Variants in MCM8 observed in about 807,000 individuals in gnomAD.
MCM8 encodes DNA helicase MCM8.
MCM8 carries 85 observed loss-of-function variants against 98.9 expected under a neutral mutation model. That is an observed-to-expected ratio of 0.86 (90% CI 0.72 to 1.03). MCM8 has a LOEUF of 1.03. Among genes scored for constraint, MCM8 ranks in the 50% least tolerant of loss-of-function variants. The probability of loss-of-function intolerance (pLI) is 0.00; values close to 1 mark genes in which losing one functional copy is unlikely to be tolerated. For synonymous variants in MCM8, 352 were observed against 338.6 expected, an observed-to-expected ratio of 1.04 and a Z score of -0.44; for missense variants, 951 against 997.8, an observed-to-expected ratio of 0.95 and a Z score of 0.63.
Position 5,967,929 on chromosome 20 carries a change from G to A in MCM8, c.1127G>A (p.Gly376Glu), listed in dbSNP as rs776387800. Residue 376 changes from glycine (G) to glutamate (E), a missense_variant, in exon 10 of 19, where the codon GGG becomes GAG. Coordinates refer to ENST00000610722, the MANE Select transcript of MCM8 (RefSeq NM_032485.6). The part of the protein sequence containing the change: ...KGQKTKSSED[G>E]CKHGMLMEFS... Reference sequence around the variant, plus strand: ...CAGAAAACAAAGAGTTCTGAGGATGGGTGTAAGCATGGAATGTTGATGGAG... The same window carrying A: ...CAGAAAACAAAGAGTTCTGAGGATGAGTGTAAGCATGGAATGTTGATGGAG... The A allele has an allele frequency of 1.2e-6, 2 of 1,613,926 alleles. No homozygotes were observed. Among genetic ancestry groups the A allele is most frequent in the African/African-American group, 1.3e-5 (1 of 74,926 alleles).
At chr20:5,962,224 G>A (rs2089161839) in intron 7 of MCM8, among the ~76,000 whole-genome samples, 1 of 152,192 alleles carries the variant, frequency 6.6e-6, no homozygotes, top group Non-Finnish European at 1.5e-5. Flanking sequence ...CAGTTGGTAG[G>A]CAGAAATGGC....
At chr20:5,954,282 T>A (rs942938045) in intron 3 of MCM8, among the ~76,000 whole-genome samples, 1 of 152,246 alleles carries the variant, frequency 6.6e-6, no homozygotes, top group African/African-American at 2.4e-5. Context: ...TGGCTTTGGC[T>A]TTATTATAAT....
intron 8 of MCM8, among the ~76,000 whole-genome samples, chr20:5,964,188 A>T (rs1412329438): frequency 6.9e-6 from 1 of 144,602 alleles, no homozygotes; most frequent in South Asian, 2.2e-4. Context: ...AATTGATTAC[A>T]TTTTTTCTAG....
At chr20:5,994,224 T>C in intron 18 of MCM8, 75 bp from the exon 19 acceptor site, 1 of 813,032 alleles carries the variant, frequency 1.2e-6, no homozygotes, top group Non-Finnish European at 1.9e-6. Context: ...CATATTATTA[T>C]TTGAGAGATT....
rs145668045 is a variant in MCM8, at chr20:5,996,005, G to T, written c.*1614G>T. The stretch of plus-strand genomic sequence containing the variant: ...AAAATCAGGAATCAAAAGGGGCCAG[G>T]TGCAGTGGCTCACATCTATAATCCC... On this transcript the variant is annotated 3_prime_UTR_variant, in exon 19 of 19. Transcript: ENST00000610722. 1 of 152,318 alleles carries T rather than the reference G, an allele frequency of 6.6e-6. No homozygotes were observed. The highest frequency in any genetic ancestry group is 2.4e-5 in the African/African-American group (1 of 41,468). 9.4% of individuals were successfully genotyped at this position (152,318 alleles called of 1,614,324 possible). A position where few individuals can be genotyped will look rare whatever the true frequency, so the allele number is the denominator to read the frequency against.
chr20:5,952,004 C>T lies in MCM8; in HGVS notation c.-5-7C>T, dbSNP rs17220251. 0.021 allele frequency: 33,528 copies of T among 1,606,112 alleles called. 548 individuals carry two copies. The highest frequency in any genetic ancestry group is 0.077 in the Admixed American group (4,447 of 58,076). ...TGGTGAAGACCTTTTTAATATCTAT[C>T]TTTTAGGAGAGATGAATGGAGAGTA... On this transcript the variant is annotated splice_polypyrimidine_tract_variant and splice_region_variant and intron_variant, in intron 1 of 18. Transcript: ENST00000610722.
At chr20:5,975,690 G>T (rs900994457) in intron 12 of MCM8, among the ~76,000 whole-genome samples, 1 of 151,444 alleles carries the variant, frequency 6.6e-6, no homozygotes, top group Non-Finnish European at 1.5e-5. Flanking sequence ...TAGAGACGGG[G>T]TTTCACCATG....
chr20:5,983,241 G>A, intron 14 of MCM8, 76 bp downstream of exon 14: 1 of 1,233,874 alleles, frequency 8.1e-7, no homozygotes, highest in East Asian at 2.6e-5. Flanking sequence ...ATAGTTCACA[G>A]AACTACAGGG....
chr20:5,955,041 C>A, intron 4 of MCM8, 61 bp from the exon 5 acceptor site: 1 of 1,137,762 alleles, frequency 8.8e-7, no homozygotes. Context: ...ATAGAATGCT[C>A]AGTTAATGGT....
intron 17 of MCM8, chr20:5,990,862 G>T (rs1438784843): frequency 1.3e-5 from 2 of 152,274 alleles, no homozygotes; most frequent in East Asian, 3.9e-4. Flanking sequence ...TGTGCATCTT[G>T]CTTTCTCTGC....
chr20:5,973,163 AG>A lies in MCM8; in HGVS notation c.1363del (p.Asp455IlefsTer4). 1 of 1,614,214 alleles carries A rather than the reference AG, an allele frequency of 6.2e-7. No individual in the cohort carries two copies. Among genetic ancestry groups the A allele is most frequent in the Non-Finnish European group, 8.5e-7 (1 of 1,180,022 alleles). On this transcript the variant is annotated frameshift_variant, in exon 12 of 19. Transcript: ENST00000610722. LOFTEE classifies it high-confidence loss of function. ...RGDPHILVVG[D>X]PGLGKSQMLQ... Reference sequence around the variant, plus strand: ...GAGACCCCCACATCCTTGTTGTTGGAGATCCAGGCCTAGGAAAAAGTCAAAT... The same window carrying A: ...GAGACCCCCACATCCTTGTTGTTGGAATCCAGGCCTAGGAAAAAGTCAAAT...
At chr20:5,985,635 TC>T in intron 15 of MCM8, among the ~76,000 whole-genome samples, 1 of 151,762 alleles carries the variant, frequency 6.6e-6, no homozygotes, top group South Asian at 2.1e-4. Context: ...AACCTCTGTC[TC>T]CCGGGTTCAA....
chr20:5,952,363 A>C lies in MCM8; in HGVS notation c.149-61A>C. On this transcript the variant is annotated intron_variant, in intron 2 of 18. Coordinates refer to ENST00000610722, the MANE Select transcript of MCM8 (RefSeq NM_032485.6). ...ATTAATGAGAGTCTCATTTGGAAAG[A>C]GAAGCATATTGGAAAAATGTTCACT... 3 of 1,588,564 alleles carry C rather than the reference A, an allele frequency of 1.9e-6. No individual in the cohort carries two copies. In the South Asian group the frequency reaches 3.4e-5, roughly 18 times the overall value.
chr20:5,956,281 A>G (rs765950403), intron 5 of MCM8, among the ~76,000 whole-genome samples: 7 of 152,084 alleles, frequency 4.6e-5, no homozygotes, highest in South Asian at 4.1e-4. Flanking sequence ...TCTCATGACC[A>G]CTTTTCGAAA....
chr20:5,963,590 G>A (rs889355075), intron 8 of MCM8, among the ~76,000 whole-genome samples: 8 of 145,868 alleles, frequency 5.5e-5, no homozygotes, highest in South Asian at 2.2e-4. Flanking sequence ...GTGCAGTGGC[G>A]CGATCTTGGC....
chr20:5,990,366 C>G (rs570767068), intron 17 of MCM8, among the ~76,000 whole-genome samples: 1 of 152,072 alleles, frequency 6.6e-6, no homozygotes, highest in Non-Finnish European at 1.5e-5. Context: ...TGGGAGCCAC[C>G]GCGCCTGACA....
In MCM8 at chr20:5,994,476, C is replaced by A. The variant is rs1568604347; in HGVS notation, c.*85C>A. ...AGATATGCGTGCACGCACAGACAGA[C>A]AGACACACACACACACACACACACA... is the stretch of plus-strand genomic sequence containing the variant. On this transcript the variant is annotated 3_prime_UTR_variant, in exon 19 of 19. Transcript: ENST00000610722. 5 of 603,358 alleles carry A rather than the reference C, an allele frequency of 8.3e-6. No individual in the cohort carries two copies. The highest frequency in any genetic ancestry group is 1.4e-5 in the Non-Finnish European group (5 of 350,122). 37.4% of individuals were successfully genotyped at this position (603,358 alleles called of 1,614,324 possible).
intron 9 of MCM8, 75 bp downstream of exon 9, chr20:5,967,662 G>A: frequency 6.7e-7 from 1 of 1,481,804 alleles, no homozygotes; most frequent in Non-Finnish European, 9.1e-7. Context: ...AGATGCTCCT[G>A]AACCTCAAAT....
chr20:5,959,420 TG>T (rs1476875983), intron 7 of MCM8, among the ~76,000 whole-genome samples: 6 of 152,224 alleles, frequency 3.9e-5, no homozygotes, highest in African/African-American at 9.6e-5. Flanking sequence ...GTTAGTTTTT[TG>T]TATTGTGTTT....
Sources: gnomAD v4.1 joint callset for allele counts (sites outside exome capture counted in the v4.1 genomes callset) on GRCh38, gnomAD v4.1.1 for gene constraint, MANE v1.5 for transcripts, NCBI Gene and HGNC (gene_info 2026-07-23, HGNC 2026-07-21) for gene names.